DACH1: variants seen among roughly 807,000 people sequenced by gnomAD.
DACH1 encodes the protein dachshund homolog 1.
Under a neutral mutation model 54.2 loss-of-function variants are expected in DACH1, and 12 were observed. The observed-to-expected ratio is 0.22, with a 90% CI of 0.14 to 0.36. The LOEUF is 0.36. DACH1 is among the 10% of genes least tolerant of loss of function. DACH1 has a pLI of 1.00. For missense variants in DACH1, 805 were observed against 929.8 expected, an observed-to-expected ratio of 0.87 and a Z score of 1.75; for synonymous variants, 386 against 366.2, an observed-to-expected ratio of 1.05 and a Z score of -0.62.
intron 6 of DACH1, among the ~76,000 whole-genome samples, chr13:71,550,184 T>G (rs1433117108): frequency 6.6e-6 from 1 of 152,206 alleles, no homozygotes; most frequent in Non-Finnish European, 1.5e-5. Context: ...TTCCAATTTA[T>G]ATAATCAAAC....
intron 10 of DACH1, among the ~76,000 whole-genome samples, chr13:71,473,326 C>T (rs1484924686): frequency 6.6e-6 from 1 of 151,956 alleles, no homozygotes; most frequent in Non-Finnish European, 1.5e-5. Context: ...GTTTTGTTTC[C>T]CTAACCATTA....
chr13:71,467,566 T>C (rs1876702595), intron 10 of DACH1, among the ~76,000 whole-genome samples: 1 of 151,498 alleles, frequency 6.6e-6, no homozygotes, highest in African/African-American at 2.4e-5. Flanking sequence ...TTCTAAAATT[T>C]TATAAAATGT....
At chr13:71,544,312 C>T (rs912217894) in intron 6 of DACH1, among the ~76,000 whole-genome samples, 1 of 152,092 alleles carries the variant, frequency 6.6e-6, no homozygotes, top group African/African-American at 2.4e-5. Context: ...TTTAGATAAA[C>T]TCCTATATAT....
chr13:71,491,710 C>T (rs1397944533), intron 6 of DACH1, among the ~76,000 whole-genome samples: 1 of 152,144 alleles, frequency 6.6e-6, no homozygotes. Flanking sequence ...CTTTGGGTCT[C>T]ATGACCCTAT....
At chr13:71,822,085 A>T (rs1888211433) in intron 1 of DACH1, among the ~76,000 whole-genome samples, 1 of 152,074 alleles carries the variant, frequency 6.6e-6, no homozygotes, top group South Asian at 2.1e-4. Flanking sequence ...AGACAAAGAC[A>T]CTGAAACCAG....
chr13:71,620,847 T>G (rs564703594), intron 3 of DACH1, among the ~76,000 whole-genome samples: 1 of 151,950 alleles, frequency 6.6e-6, no homozygotes, highest in Non-Finnish European at 1.5e-5. Flanking sequence ...TCTATACTGA[T>G]GTAGAAGTAA....
intron 1 of DACH1, among the ~76,000 whole-genome samples, chr13:71,750,119 T>G (rs1317037884): frequency 6.6e-6 from 1 of 152,192 alleles, no homozygotes; most frequent in Non-Finnish European, 1.5e-5. Flanking sequence ...ATGCTCTTTC[T>G]CCGCCTGGAA....
intron 10 of DACH1, among the ~76,000 whole-genome samples, chr13:71,440,931 A>G (rs1163326998): frequency 6.6e-6 from 1 of 152,030 alleles, no homozygotes; most frequent in East Asian, 1.9e-4. Flanking sequence ...CTATTTTGAT[A>G]TCAGTTCCAG....
At chr13:71,692,010 T>TACAC (rs34800453) in intron 1 of DACH1, among the ~76,000 whole-genome samples, 4,836 of 140,068 alleles carry the variant, frequency 0.035, 115 homozygotes, top group African/African-American at 0.061. Flanking sequence ...AGCCCCCCAT[T>TACAC]ACACACACAC....
intron 3 of DACH1, among the ~76,000 whole-genome samples, chr13:71,612,245 A>C (rs1450428568): frequency 6.6e-6 from 1 of 152,112 alleles, no homozygotes; most frequent in Non-Finnish European, 1.5e-5. Flanking sequence ...CTCACTCCAT[A>C]ATATGGAGGT....
intron 3 of DACH1, among the ~76,000 whole-genome samples, chr13:71,609,751 T>G (rs972776887): frequency 6.6e-6 from 1 of 152,196 alleles, no homozygotes; most frequent in East Asian, 1.9e-4. Flanking sequence ...GGTCTCGAAC[T>G]CCAGACCTCA....
intron 1 of DACH1, among the ~76,000 whole-genome samples, chr13:71,791,598 G>A (rs750964246): frequency 1.6e-4 from 25 of 152,098 alleles, no homozygotes; most frequent in Admixed American, 1.3e-4. Context: ...TGGCCAGAGT[G>A]GTCTCCAACT....
In DACH1 at chr13:71,486,814, ATCT is replaced by A. The variant is rs1566289953; in HGVS notation, c.1722+2180_1722+2182del. Among the ~76,000 whole-genome samples, 4 of 5,162 alleles carry A rather than the reference ATCT, an allele frequency of 7.7e-4. No individual in the cohort carries two copies. In the East Asian group the frequency reaches 0.13, roughly 172 times the overall value. 3.4% of individuals were successfully genotyped at this position (5,162 alleles called of 152,430 possible). A position where few individuals can be genotyped will look rare whatever the true frequency, so the allele number is the denominator to read the frequency against. On this transcript the variant is annotated intron_variant, in intron 7 of 10. Coordinates refer to ENST00000613252, the MANE Select transcript of DACH1 (RefSeq NM_080759.6). ...AATTAATTAATTTATTTATTTATTT[ATCT>A]ATCTATCTATCTATCTATCTATCTA...
At chr13:71,472,091 T>TA (rs1463434589) in intron 10 of DACH1, among the ~76,000 whole-genome samples, 1 of 152,290 alleles carries the variant, frequency 6.6e-6, no homozygotes, top group African/African-American at 2.4e-5. Flanking sequence ...ACATAAGGCA[T>TA]AAGAGAGTTA....
intron 4 of DACH1, among the ~76,000 whole-genome samples, chr13:71,561,455 AC>A (rs1457067746): frequency 1.3e-5 from 2 of 152,138 alleles, no homozygotes; most frequent in Non-Finnish European, 2.9e-5. Context: ...ATGTCATGTG[AC>A]CATAGAGGAA....
intron 1 of DACH1, among the ~76,000 whole-genome samples, chr13:71,851,498 T>G (rs939479400): frequency 1.3e-5 from 2 of 152,164 alleles, no homozygotes; most frequent in African/African-American, 4.8e-5. Flanking sequence ...TTTAGCTAAT[T>G]GTATTTATTA....
intron 10 of DACH1, among the ~76,000 whole-genome samples, chr13:71,461,100 A>G (rs1876031175): frequency 6.6e-6 from 1 of 152,060 alleles, no homozygotes; most frequent in African/African-American, 2.4e-5. Flanking sequence ...ATCTTCTGCA[A>G]TTTCTTTAAA....
intron 10 of DACH1, among the ~76,000 whole-genome samples, chr13:71,452,652 A>G (rs746766117): frequency 6.6e-6 from 1 of 152,186 alleles, no homozygotes; most frequent in Non-Finnish European, 1.5e-5. Context: ...TTAGGTAGAA[A>G]ACAAATGGTT....
intron 6 of DACH1, among the ~76,000 whole-genome samples, chr13:71,515,948 G>C (rs1881127928): frequency 6.6e-6 from 1 of 151,818 alleles, no homozygotes; most frequent in Admixed American, 6.6e-5. Flanking sequence ...CTATTTCTCT[G>C]TCAGAGCACA....
Sources: allele counts gnomAD v4.1 joint callset (sites outside exome capture counted in the v4.1 genomes callset), GRCh38; gene constraint gnomAD v4.1.1; transcripts MANE v1.5; gene names NCBI Gene and HGNC (gene_info 2026-07-23, HGNC 2026-07-21).